TMEM117: variants seen among roughly 807,000 people sequenced by gnomAD.
TMEM117 encodes the protein transmembrane protein 117.
In TMEM117, 27 loss-of-function variants were observed where a neutral mutation model predicts 52.4. The observed-to-expected ratio is 0.51, with a 90% CI of 0.38 to 0.71. TMEM117 has a LOEUF of 0.71. Among genes scored for constraint, TMEM117 ranks in the 30% least tolerant of loss-of-function variants. The pLI, the probability that TMEM117 is intolerant of heterozygous loss-of-function variation, is 0.00. For synonymous variants in TMEM117, 215 were observed against 206.3 expected (o/e 1.04, Z -0.36); for missense variants, 556 against 630.5 (o/e 0.88, Z 1.26).
At chr12:44,087,246 T>C (rs183490569) in intron 3 of TMEM117, among the ~76,000 whole-genome samples, 1,863 of 152,036 alleles carry the variant, frequency 0.012, 15 homozygotes, top group Non-Finnish European at 0.019. Flanking sequence ...TTTTAATCAA[T>C]ATTCGTATTG....
intron 2 of TMEM117, among the ~76,000 whole-genome samples, chr12:43,929,257 CT>C (rs1944833725): frequency 6.6e-6 from 1 of 152,030 alleles, no homozygotes; most frequent in South Asian, 2.1e-4. Flanking sequence ...GTCTTTAGTT[CT>C]TTACTCCTTT....
At chr12:43,973,945 T>C (rs1192903975) in intron 3 of TMEM117, among the ~76,000 whole-genome samples, 1 of 152,206 alleles carries the variant, frequency 6.6e-6, no homozygotes, top group Admixed American at 6.5e-5. Context: ...GCAAAAATAC[T>C]ATTTTGTATC....
intron 6 of TMEM117, among the ~76,000 whole-genome samples, chr12:44,333,063 G>C (rs1233904932): frequency 1.3e-5 from 2 of 152,082 alleles, no homozygotes; most frequent in Middle Eastern, 3.4e-3. Context: ...TTACTGAAGA[G>C]TGTTCCTTAA....
chr12:43,924,802 T>C lies in TMEM117; in HGVS notation c.278-19408T>C, dbSNP rs369259099. 1.3e-4 allele frequency among the ~76,000 whole-genome samples: 20 copies of C among 152,298 alleles called. No homozygotes were observed. In the East Asian group the frequency reaches 2.3e-3, roughly 18 times the overall value. On this transcript the variant is annotated intron_variant, in intron 2 of 7. Transcript: ENST00000266534. The stretch of plus-strand genomic sequence containing the variant: ...TGTAACAAACACATCCAAAACTCAG[T>C]GGCTTAAAACAAGAATAAACATTTG...
At chr12:43,927,432 T>C (rs1217343166) in intron 2 of TMEM117, among the ~76,000 whole-genome samples, 1 of 151,504 alleles carries the variant, frequency 6.6e-6, no homozygotes, top group Non-Finnish European at 1.5e-5. Context: ...ATATCTTTGT[T>C]AATTTTTTTT....
intron 3 of TMEM117, among the ~76,000 whole-genome samples, chr12:44,072,829 C>T (rs1045341963): frequency 6.6e-6 from 1 of 152,190 alleles, no homozygotes; most frequent in African/African-American, 2.4e-5. Context: ...CTGTGGCTCA[C>T]GCCTGTAATC....
intron 4 of TMEM117, among the ~76,000 whole-genome samples, chr12:44,198,412 G>A (rs938815141): frequency 6.6e-6 from 1 of 152,146 alleles, no homozygotes; most frequent in Admixed American, 6.5e-5. Context: ...CCACCACAGA[G>A]GATGCTTGTA....
intron 4 of TMEM117, among the ~76,000 whole-genome samples, chr12:44,182,183 G>A (rs1235680879): frequency 6.6e-6 from 1 of 152,134 alleles, no homozygotes; most frequent in Non-Finnish European, 1.5e-5. Context: ...AAGAATGCTT[G>A]TGATTTTTGT....
chr12:44,045,816 C>G (rs972562572), intron 3 of TMEM117, among the ~76,000 whole-genome samples: 1 of 152,140 alleles, frequency 6.6e-6, no homozygotes, highest in South Asian at 2.1e-4. Context: ...GCACTCCAGC[C>G]TGGGCGACCG....
At chr12:44,131,245 T>G (rs923671533) in intron 3 of TMEM117, among the ~76,000 whole-genome samples, 11 of 152,178 alleles carry the variant, frequency 7.2e-5, no homozygotes, top group Admixed American at 3.3e-4. Flanking sequence ...GGTTTCTATT[T>G]TGACTCCTGT....
At chr12:44,311,859 A>ATATATATGTATATATG (rs1405277249) in intron 6 of TMEM117, among the ~76,000 whole-genome samples, 9 of 110,460 alleles carry the variant, frequency 8.1e-5, no homozygotes, top group Admixed American at 1.8e-4. Flanking sequence ...GTATATATGT[A>ATATATATGTATATATG]TATATATGTA....
At chr12:43,999,642 T>A (rs1481510394) in intron 3 of TMEM117, among the ~76,000 whole-genome samples, 3 of 152,058 alleles carry the variant, frequency 2.0e-5, no homozygotes, top group Non-Finnish European at 4.4e-5. Flanking sequence ...CACAGCCAGC[T>A]AGTATTTTTG....
At chr12:44,234,445 G>C (rs1323344939) in intron 5 of TMEM117, among the ~76,000 whole-genome samples, 1 of 150,838 alleles carries the variant, frequency 6.6e-6, no homozygotes. Context: ...TGTAGTGATG[G>C]CTTTTTTATC....
chr12:44,320,719 C>T (rs1951119028), intron 6 of TMEM117, among the ~76,000 whole-genome samples: 1 of 152,234 alleles, frequency 6.6e-6, no homozygotes, highest in Non-Finnish European at 1.5e-5. Flanking sequence ...TGTGAAGTCT[C>T]ATCTGCCTCT....
intron 2 of TMEM117, among the ~76,000 whole-genome samples, chr12:43,863,957 CG>C (rs1943535839): frequency 6.6e-6 from 1 of 152,182 alleles, no homozygotes; most frequent in Admixed American, 6.5e-5. Flanking sequence ...GCTAGAGTTC[CG>C]GGTGGGCATG....
chr12:43,875,756 T>C (rs1009849229), intron 2 of TMEM117, among the ~76,000 whole-genome samples: 1 of 152,194 alleles, frequency 6.6e-6, no homozygotes, highest in Admixed American at 6.5e-5. Flanking sequence ...TATCACTCCA[T>C]TATTGGGCCG....
At chr12:43,990,939 G>A (rs1006704524) in intron 3 of TMEM117, among the ~76,000 whole-genome samples, 1 of 152,160 alleles carries the variant, frequency 6.6e-6, no homozygotes, top group Non-Finnish European at 1.5e-5. Flanking sequence ...GTGCTTTAGG[G>A]AATTAAAGTG....
chr12:44,370,935 A>G (rs757277364), intron 6 of TMEM117, among the ~76,000 whole-genome samples: 62 of 152,176 alleles, frequency 4.1e-4, no homozygotes, highest in Non-Finnish European at 8.4e-4. Context: ...AATTCCTCTA[A>G]GCTCCCTGGA....
At chr12:43,864,714 G>C (rs200216212) in intron 2 of TMEM117, among the ~76,000 whole-genome samples, 5 of 152,256 alleles carry the variant, frequency 3.3e-5, no homozygotes, top group Admixed American at 6.5e-5. Context: ...TAGACCAATC[G>C]ACTCTCTGTA....
Sources: gnomAD v4.1 joint callset for allele counts (sites outside exome capture counted in the v4.1 genomes callset) on GRCh38, gnomAD v4.1.1 for gene constraint, MANE v1.5 for transcripts, NCBI Gene and HGNC (gene_info 2026-07-23, HGNC 2026-07-21) for gene names.